Variants in HS6ST3 observed in about 807,000 individuals in gnomAD.
HS6ST3 encodes heparan sulfate 6-O-sulfotransferase 3, also known as heparan-sulfate 6-O-sulfotransferase 3.
A neutral mutation model predicts 36.7 loss-of-function variants in HS6ST3; 12 were observed. That is an observed-to-expected ratio of 0.33 (90% CI 0.21 to 0.53). The LOEUF is 0.53. Among genes scored for constraint, HS6ST3 ranks in the 20% least tolerant of loss-of-function variants. The pLI is 0.95. For synonymous variants in HS6ST3, 240 were observed against 257.5 expected, an observed-to-expected ratio of 0.93 and a Z score of 0.65; for missense variants, 584 against 640.9, an observed-to-expected ratio of 0.91 and a Z score of 0.96.
intron 1 of HS6ST3, among the ~76,000 whole-genome samples, chr13:96,402,363 C>G (rs987110344): frequency 6.6e-6 from 1 of 152,100 alleles, no homozygotes; most frequent in African/African-American, 2.4e-5. Context: ...ATAATGAATA[C>G]TATATAAGTT....
intron 1 of HS6ST3, among the ~76,000 whole-genome samples, chr13:96,631,685 G>A (rs546660048): frequency 1.3e-5 from 2 of 152,310 alleles, no homozygotes; most frequent in Admixed American, 6.5e-5. Context: ...CATGATGACT[G>A]TATGTCATAT....
intron 1 of HS6ST3, among the ~76,000 whole-genome samples, chr13:96,822,503 C>T (rs1397085143): frequency 6.6e-6 from 1 of 152,154 alleles, no homozygotes; most frequent in East Asian, 1.9e-4. Flanking sequence ...AATGTGACAA[C>T]CACCCGAAAA....
chr13:96,231,330 C>T (rs772891097), intron 1 of HS6ST3, among the ~76,000 whole-genome samples: 11 of 152,152 alleles, frequency 7.2e-5, no homozygotes, highest in Non-Finnish European at 1.6e-4. Flanking sequence ...TGTATTAGTC[C>T]ATTCTCACAC....
At chr13:96,196,700 G>C (rs1229382522) in intron 1 of HS6ST3, among the ~76,000 whole-genome samples, 1 of 152,164 alleles carries the variant, frequency 6.6e-6, no homozygotes, top group East Asian at 1.9e-4. Flanking sequence ...GTCACTGGAG[G>C]GAGAGCTGTG....
intron 1 of HS6ST3, among the ~76,000 whole-genome samples, chr13:96,668,914 T>C (rs1566425571): frequency 2.0e-5 from 3 of 151,910 alleles, no homozygotes. Flanking sequence ...CTCAAGTATT[T>C]AAGGATAAAG....
Position 96,818,515 on chromosome 13 carries a change from G to A in HS6ST3, c.708-13975G>A, listed in dbSNP as rs368817985. Among the ~76,000 whole-genome samples, 6 of 152,310 alleles carry A rather than the reference G, an allele frequency of 3.9e-5. 1 individual carries two copies. The East Asian group carries it at 7.7e-4, about 20-fold the overall frequency. On this transcript the variant is annotated intron_variant, in intron 1 of 1. Transcript: ENST00000376705. ...TGTTCCTAGCATGGAGAAAAATATC[G>A]TGGGTGGGAGCTGAAGAACAAAAAG...
Position 96,776,571 on chromosome 13 carries a change from T to C in HS6ST3, c.708-55919T>C, listed in dbSNP as rs142401901. 6.1e-4 allele frequency among the ~76,000 whole-genome samples: 93 copies of C among 152,084 alleles called. No individual in the cohort carries two copies. In the East Asian group the frequency reaches 0.018, roughly 29 times the overall value. On this transcript the variant is annotated intron_variant, in intron 1 of 1. Coordinates refer to ENST00000376705, the MANE Select transcript of HS6ST3 (RefSeq NM_153456.4). ...AGAGAATACTATAAACACCTCTACATAAATAAACTACAACATGTAGAAGAA... is the reference window on the plus strand; with the variant it reads ...AGAGAATACTATAAACACCTCTACACAAATAAACTACAACATGTAGAAGAA...
At chr13:96,105,323 G>T (rs2053836693) in intron 1 of HS6ST3, among the ~76,000 whole-genome samples, 1 of 152,126 alleles carries the variant, frequency 6.6e-6, no homozygotes, top group Admixed American at 6.6e-5. Flanking sequence ...GTGAAACCCA[G>T]CAAAACCTGA....
At chr13:96,576,077 A>G (rs993647685) in intron 1 of HS6ST3, among the ~76,000 whole-genome samples, 2 of 150,908 alleles carry the variant, frequency 1.3e-5, no homozygotes. Context: ...TTCTCCTGCC[A>G]GGAATGGGGG....
intron 1 of HS6ST3, among the ~76,000 whole-genome samples, chr13:96,488,891 A>AT (rs941705114): frequency 6.6e-6 from 1 of 151,806 alleles, no homozygotes; most frequent in East Asian, 1.9e-4. Context: ...CTTAAAAAGC[A>AT]TTTTTTTTCT....
intron 1 of HS6ST3, among the ~76,000 whole-genome samples, chr13:96,408,873 G>A (rs945236114): frequency 2.6e-5 from 4 of 152,154 alleles, no homozygotes; most frequent in African/African-American, 9.6e-5. Context: ...GCAGTGAGCC[G>A]AGATGGTGCC....
intron 1 of HS6ST3, among the ~76,000 whole-genome samples, chr13:96,167,077 T>G (rs2054164521): frequency 1.3e-5 from 2 of 152,056 alleles, no homozygotes; most frequent in African/African-American, 4.8e-5. Flanking sequence ...AATTACCCAG[T>G]CTTGGGTATG....
At chr13:96,266,381 G>T (rs2054692528) in intron 1 of HS6ST3, among the ~76,000 whole-genome samples, 1 of 152,316 alleles carries the variant, frequency 6.6e-6, no homozygotes, top group South Asian at 2.1e-4. Context: ...GAGGTTGGGT[G>T]TAAAGATTCT....
chr13:96,372,448 A>G (rs2055294413), intron 1 of HS6ST3, among the ~76,000 whole-genome samples: 1 of 151,720 alleles, frequency 6.6e-6, no homozygotes. Flanking sequence ...TATTTTGTTG[A>G]TTGGTTCCAT....
intron 1 of HS6ST3, among the ~76,000 whole-genome samples, chr13:96,560,195 T>A (rs2056256736): frequency 6.6e-6 from 1 of 152,204 alleles, no homozygotes; most frequent in African/African-American, 2.4e-5. Context: ...TTGTTTGGGT[T>A]CAAAGATGTA....
rs573384850 is a variant in HS6ST3 at position 96,148,893 on chromosome 13, G to A, written c.707+57324G>A. Among the ~76,000 whole-genome samples the A allele has an allele frequency of 6.5e-4, 99 of 152,284 alleles. No individual in the cohort carries two copies. In the South Asian group the frequency reaches 8.1e-3, roughly 12 times the overall value. On this transcript the variant is annotated intron_variant, in intron 1 of 1. Coordinates refer to ENST00000376705, the MANE Select transcript of HS6ST3 (RefSeq NM_153456.4). ...ACCAGGAAACATATGGTGACTGCAA[G>A]GTGAAATACACTAAGGGACAAAATA...
intron 1 of HS6ST3, among the ~76,000 whole-genome samples, chr13:96,394,527 A>AT (rs2055411463): frequency 6.6e-6 from 1 of 152,116 alleles, no homozygotes; most frequent in Non-Finnish European, 1.5e-5. Context: ...GCTTGGTTTC[A>AT]TTTTTTGTAA....
intron 1 of HS6ST3, among the ~76,000 whole-genome samples, chr13:96,154,588 C>T (rs913642917): frequency 6.6e-6 from 1 of 151,918 alleles, no homozygotes; most frequent in Non-Finnish European, 1.5e-5. Context: ...AAGAGATCGC[C>T]TCTTACAAAT....
intron 1 of HS6ST3, among the ~76,000 whole-genome samples, chr13:96,794,749 G>T (rs1201966353): frequency 6.6e-6 from 1 of 151,972 alleles, no homozygotes; most frequent in African/African-American, 2.4e-5. Context: ...AAATAAACCA[G>T]GATAAAGCAT....
Sources: allele counts gnomAD v4.1 joint callset (sites outside exome capture counted in the v4.1 genomes callset), GRCh38; gene constraint gnomAD v4.1.1; transcripts MANE v1.5; gene names NCBI Gene and HGNC (gene_info 2026-07-23, HGNC 2026-07-21).